AVEN: variants seen among roughly 807,000 people sequenced by gnomAD.
AVEN encodes apoptosis and caspase activation inhibitor, also known as cell death regulator Aven.
Under a neutral mutation model 38.1 loss-of-function variants are expected in AVEN, and 41 were observed. The observed-to-expected ratio is 1.08, with a 90% CI of 0.84 to 1.40. The LOEUF is 1.40. Ranked by LOEUF, AVEN falls within the 40% of genes most tolerant of loss-of-function variation. The pLI, the probability that AVEN is intolerant of heterozygous loss-of-function variation, is 0.00. For missense variants in AVEN, 605 were observed against 438.8 expected (o/e 1.38, Z -3.38); for synonymous variants, 206 against 171.8 (o/e 1.20, Z -1.56).
At chr15:34,064,383 A>T (rs1010990284) in intron 4 of AVEN, 12 of 1,479,932 alleles carry the variant, frequency 8.1e-6, no homozygotes, top group Non-Finnish European at 9.9e-6. Context: ...GAGCAAGCTG[A>T]TTCTGGTTTG....
intron 2 of AVEN, among the ~76,000 whole-genome samples, chr15:33,924,202 A>G (rs2153048731): frequency 6.6e-6 from 1 of 151,800 alleles, no homozygotes; most frequent in South Asian, 2.1e-4. Flanking sequence ...CAATCAAGGC[A>G]CTCAGAGGAC....
chr15:33,853,343 A>C, the AVEN span, among the ~76,000 whole-genome samples: 1 of 152,216 alleles, frequency 6.6e-6, no homozygotes, highest in Non-Finnish European at 1.5e-5. Flanking sequence ...CTGCAAATCA[A>C]GATATCAGTA....
chr15:33,861,594 ACT>A (rs1888241522), downstream of AVEN, among the ~76,000 whole-genome samples: 1 of 151,360 alleles, frequency 6.6e-6, no homozygotes, highest in Admixed American at 6.6e-5. Context: ...ATGCTCAGTC[ACT>A]GTCTTCAATT....
rs1223157579 is a variant in AVEN at position 33,860,671 on chromosome 15, C to CGA, written n.2730-1578_2730-1577insTC. The CGA allele has an allele frequency of 2.6e-6, 4 of 1,551,634 alleles. No individual in the cohort carries two copies. In the Admixed American group the frequency reaches 5.4e-5, roughly 21 times the overall value. Reference sequence around the variant, plus strand: ...GAGAAGATATGGAGGTAATGTTACTCTAACTACTAATCCCAGCTCTATTTT... The same window carrying CGA: ...GAGAAGATATGGAGGTAATGTTACTCGATAACTACTAATCCCAGCTCTATTTT... On this transcript the variant is annotated intron_variant and non_coding_transcript_variant, in intron 11 of 11. Transcript: ENST00000675287.
At chr15:33,865,438 G>A (rs757556770), downstream of AVEN, 28 of 498,656 alleles carry the variant, frequency 5.6e-5, 1 homozygote, top group Non-Finnish European at 7.8e-5. Context: ...TCAAAATGTC[G>A]AAGAAGGAAG....
chr15:33,921,325 G>A (rs1893386302), intron 2 of AVEN, among the ~76,000 whole-genome samples: 1 of 152,192 alleles, frequency 6.6e-6, no homozygotes, highest in African/African-American at 2.4e-5. Flanking sequence ...CAAGTTCCAG[G>A]TGACAGACAC....
chr15:34,035,207 G>A (rs1899060380), intron 1 of AVEN, among the ~76,000 whole-genome samples: 2 of 152,112 alleles, frequency 1.3e-5, no homozygotes, highest in Admixed American at 1.3e-4. Context: ...CTACTTTTTA[G>A]TACAACTATA....
At chr15:33,865,326 C>T, downstream of AVEN, 2 of 797,484 alleles carry the variant, frequency 2.5e-6, no homozygotes, top group South Asian at 1.9e-5. Context: ...GTGACATTTT[C>T]TAAATGCCTC....
chr15:33,888,099 G>A (rs985061091), intron 2 of AVEN, among the ~76,000 whole-genome samples: 1 of 152,060 alleles, frequency 6.6e-6, no homozygotes, highest in Non-Finnish European at 1.5e-5. Flanking sequence ...AAGAATGGGT[G>A]AGACCTATAT....
chr15:33,977,478 T>C (rs1473763998), intron 2 of AVEN, among the ~76,000 whole-genome samples: 1 of 152,182 alleles, frequency 6.6e-6, no homozygotes, highest in African/African-American at 2.4e-5. Flanking sequence ...CATTCTCTTT[T>C]GTTAGGAGGC....
intron 5 of AVEN, among the ~76,000 whole-genome samples, chr15:34,045,061 A>G (rs12443077): frequency 0.023 from 3,537 of 152,240 alleles, 103 homozygotes; most frequent in African/African-American, 0.059. Context: ...AATTAGTAAT[A>G]ATAATAAAAA....
downstream of AVEN, among the ~76,000 whole-genome samples, chr15:33,861,439 C>T (rs970847059): frequency 6.6e-6 from 1 of 151,924 alleles, no homozygotes; most frequent in African/African-American, 2.4e-5. Flanking sequence ...CCAGCAATTT[C>T]TCTTTCTCTA....
chr15:33,962,709 C>T (rs1895236081), intron 2 of AVEN, among the ~76,000 whole-genome samples: 2 of 151,970 alleles, frequency 1.3e-5, no homozygotes, highest in Non-Finnish European at 2.9e-5. Flanking sequence ...TTATCTTCTG[C>T]ATAGCATACA....
At chr15:33,852,635 A>G in the AVEN span, 2 of 166,408 alleles carry the variant, frequency 1.2e-5, no homozygotes, top group African/African-American at 4.8e-5. Context: ...CCGCATCGCC[A>G]TTATCTACCC....
intron 2 of AVEN, among the ~76,000 whole-genome samples, chr15:33,977,876 G>A (rs548056137): frequency 1.3e-4 from 20 of 151,950 alleles, no homozygotes; most frequent in South Asian, 4.2e-4. Flanking sequence ...GGTCAAAGCC[G>A]CAGCAAGCTG....
At chr15:33,901,287 T>C (rs1310925639) in intron 2 of AVEN, among the ~76,000 whole-genome samples, 1 of 150,822 alleles carries the variant, frequency 6.6e-6, no homozygotes, top group Non-Finnish European at 1.5e-5. Context: ...AGAAAAAGAC[T>C]CTACCTTACC....
chr15:33,891,915 C>A (rs911719213), intron 2 of AVEN, among the ~76,000 whole-genome samples: 1 of 152,128 alleles, frequency 6.6e-6, no homozygotes, highest in East Asian at 1.9e-4. Context: ...TCTTAATGAT[C>A]GCCATTCTAA....
At chr15:34,028,691 T>A (rs1194645699) in intron 1 of AVEN, among the ~76,000 whole-genome samples, 1 of 152,194 alleles carries the variant, frequency 6.6e-6, no homozygotes, top group Non-Finnish European at 1.5e-5. Flanking sequence ...AACAGCTGTG[T>A]AAGGTAGATA....
intron 4 of AVEN, 50 bp from the exon 5 acceptor site, chr15:33,867,905 T>C: frequency 6.6e-7 from 1 of 1,519,536 alleles, no homozygotes; most frequent in South Asian, 1.3e-5. Context: ...CTTGCCATAT[T>C]GGCTTAAGTA....
Sources: allele counts gnomAD v4.1 joint callset (sites outside exome capture counted in the v4.1 genomes callset), GRCh38; gene constraint gnomAD v4.1.1; transcripts MANE v1.5; gene names NCBI Gene and HGNC (gene_info 2026-07-23, HGNC 2026-07-21).